The following SLA variants were observed in gnomAD, a reference collection of about 807,000 sequenced individuals.
SLA encodes src-like-adapter.
SLA carries 16 observed loss-of-function variants against 30.3 expected under a neutral mutation model. That is an observed-to-expected ratio of 0.53 (90% CI 0.36 to 0.80). The LOEUF (loss-of-function observed/expected upper bound fraction) is 0.80. SLA is among the 30% of genes least tolerant of loss of function. SLA has a pLI of 0.01. For missense variants in SLA, 310 were observed against 345.2 expected (o/e 0.90, Z 0.81); for synonymous variants, 143 against 137.8 (o/e 1.04, Z -0.26).
intron 2 of SLA, among the ~76,000 whole-genome samples, chr8:133,063,293 C>T (rs1381096729): frequency 4.0e-5 from 6 of 151,822 alleles, no homozygotes; most frequent in African/African-American, 1.5e-4. Context: ...CCCTCCCCTC[C>T]ATCCCCTCCC....
At chr8:133,039,673 T>C (rs971239453) in intron 8 of SLA, among the ~76,000 whole-genome samples, 4 of 152,206 alleles carry the variant, frequency 2.6e-5, no homozygotes, top group Non-Finnish European at 5.9e-5. Context: ...TGTTACTTTC[T>C]AGGATCCTAA....
In SLA at chr8:133,038,350, CT is replaced by C; in HGVS notation, c.*173del. 1.6e-6 allele frequency: 1 copy of C among 615,374 alleles called. No homozygotes were observed. Among genetic ancestry groups the C allele is most frequent in the Non-Finnish European group, 2.9e-6 (1 of 346,198 alleles). The allele number at this position is 615,374 out of a possible 1,614,324, so 38.1% of individuals were successfully genotyped here. A position where few individuals can be genotyped will look rare whatever the true frequency, so the allele number is the denominator to read the frequency against. On this transcript the variant is annotated 3_prime_UTR_variant, in exon 9 of 9. Transcript: ENST00000338087. ...CTGATCAGACACCAGGGAGGGGTTC[CT>C]TTGGTCATGATGTGGATAGAGAAGA...
At chr8:133,087,919 C>G (rs929298440) in intron 1 of SLA, 7 of 152,236 alleles carry the variant, frequency 4.6e-5, no homozygotes, top group African/African-American at 1.7e-4. Context: ...TCACCTGCTA[C>G]TGGCAGGATT....
chr8:133,066,037 A>G (rs1347960776), intron 2 of SLA, among the ~76,000 whole-genome samples: 1 of 152,104 alleles, frequency 6.6e-6, no homozygotes, highest in African/African-American at 2.4e-5. Context: ...ATCGCAAGGA[A>G]TGTTTTCTAG....
At chr8:133,058,956 G>C (rs1158292306) in intron 3 of SLA, 1 of 480,518 alleles carries the variant, frequency 2.1e-6, no homozygotes, top group Non-Finnish European at 4.2e-6. Context: ...TGCTGGCTTG[G>C]GGGCATTGGA....
chr8:133,049,369 G>A (rs1441789079), intron 5 of SLA: 1 of 320,652 alleles, frequency 3.1e-6, no homozygotes, highest in Non-Finnish European at 6.3e-6. Flanking sequence ...TTACTGTAAT[G>A]CCTGGCATTG....
At chr8:133,072,153 C>T (rs191613004) in intron 2 of SLA, among the ~76,000 whole-genome samples, 8 of 152,306 alleles carry the variant, frequency 5.3e-5, no homozygotes, top group Non-Finnish European at 1.0e-4. Flanking sequence ...CCAAGTCCTC[C>T]AGCCCTGGTT....
At position 133,039,045 on chromosome 8, in the gene SLA, T is replaced by G. The variant is rs993185838; in HGVS notation, c.618-308A>C. On this transcript the variant is annotated intron_variant, in intron 8 of 8. Coordinates refer to ENST00000338087, the MANE Select transcript of SLA (RefSeq NM_001045556.3). ...ACCATCCACCACCACGCCCAGCTAATTTTTTGTATTTTGAGTAGAGACAGG... is the reference window on the plus strand; with the variant it reads ...ACCATCCACCACCACGCCCAGCTAAGTTTTTGTATTTTGAGTAGAGACAGG... Among the ~76,000 whole-genome samples, 32 of 151,978 alleles carry G rather than the reference T, an allele frequency of 2.1e-4. 1 individual carries two copies. Among genetic ancestry groups the G allele is most frequent in the Non-Finnish European group, 4.6e-4 (31 of 67,960 alleles).
intron 3 of SLA, among the ~76,000 whole-genome samples, chr8:133,052,664 C>A (rs1412574094): frequency 6.6e-6 from 1 of 152,228 alleles, no homozygotes; most frequent in African/African-American, 2.4e-5. Context: ...CAAGTTCTCA[C>A]AAAGGGCAGG....
rs746881629 is a variant in SLA, at chr8:133,047,909, T to C, written c.273A>G (p.Arg91=). The change falls in exon 6 of 9, where the codon AGA becomes AGG. Residue 91 remains arginine, a synonymous_variant. Transcript: ENST00000338087. The part of the protein sequence containing the change: ...YHGWLFEGLG[R]DKAEELLQLP... ...GCTGCAGCAGCTCCTCGGCCTTGTCTCTGCCCAGGCCCTCAAACAGCCAGC... is the reference window on the plus strand; with the variant it reads ...GCTGCAGCAGCTCCTCGGCCTTGTCCCTGCCCAGGCCCTCAAACAGCCAGC... 2 of 1,610,882 alleles carry C rather than the reference T, an allele frequency of 1.2e-6. No individual in the cohort carries two copies. Among genetic ancestry groups the C allele is most frequent in the Non-Finnish European group, 1.7e-6 (2 of 1,178,066 alleles).
chr8:133,102,477 C>A (rs1269014037), intron 1 of SLA, 76 bp downstream of exon 1: 1 of 1,340,002 alleles, frequency 7.5e-7, no homozygotes, highest in Non-Finnish European at 1.0e-6. Flanking sequence ...CCTCTGAAGA[C>A]CCTCCCCCAC....
chr8:133,094,934 C>T (rs1848177534), intron 1 of SLA: 2 of 1,510,556 alleles, frequency 1.3e-6, no homozygotes, highest in Admixed American at 3.3e-5. Flanking sequence ...TCCTGGGACT[C>T]CCAAGCTTGG....
intron 2 of SLA, among the ~76,000 whole-genome samples, chr8:133,071,751 T>C (rs1844080968): frequency 6.6e-6 from 1 of 152,102 alleles, no homozygotes; most frequent in African/African-American, 2.4e-5. Flanking sequence ...CTACACTTGG[T>C]CCCCTCTCTT....
chr8:133,065,310 G>T (rs1842894282), intron 2 of SLA, among the ~76,000 whole-genome samples: 1 of 152,202 alleles, frequency 6.6e-6, no homozygotes, highest in Non-Finnish European at 1.5e-5. Context: ...CTTGTCCAAG[G>T]TTATACTGCT....
intron 2 of SLA, among the ~76,000 whole-genome samples, chr8:133,071,909 C>A (rs1844114410): frequency 6.6e-6 from 1 of 152,146 alleles, no homozygotes; most frequent in African/African-American, 2.4e-5. Context: ...CATGATCTAG[C>A]CGGTGTCTGG....
At chr8:133,101,485 C>G (rs1849242622) in intron 1 of SLA, among the ~76,000 whole-genome samples, 1 of 152,206 alleles carries the variant, frequency 6.6e-6, no homozygotes, top group Admixed American at 6.5e-5. Context: ...GGGCCTCAAT[C>G]TCAGCCATGC....
At chr8:133,073,208 A>G (rs947426066) in intron 2 of SLA, 1 of 152,234 alleles carries the variant, frequency 6.6e-6, no homozygotes, top group African/African-American at 2.4e-5. Flanking sequence ...TTACGGCACA[A>G]TCTTTCTATG....
In SLA at chr8:133,049,225, C is replaced by T. The variant is rs1183489688; in HGVS notation, c.248+677G>A. 6.8e-6 allele frequency: 3 copies of T among 441,818 alleles called. No individual in the cohort carries two copies. In the Admixed American group the frequency reaches 7.7e-5, roughly 11 times the overall value. The allele number at this position is 441,818 out of a possible 1,614,324, so 27.4% of individuals were successfully genotyped here. A position where few individuals can be genotyped will look rare whatever the true frequency, so the allele number is the denominator to read the frequency against. ...GGTGCTTATTTTCTTATCTGTTGAG[C>T]CTAGTTTTCTAAGATATCTCTTGTT... On this transcript the variant is annotated intron_variant, in intron 5 of 8. Coordinates refer to ENST00000338087, the MANE Select transcript of SLA (RefSeq NM_001045556.3).
intron 6 of SLA, chr8:133,047,489 C>G (rs1564113938): frequency 3.1e-6 from 1 of 324,896 alleles, no homozygotes; most frequent in Non-Finnish European, 5.9e-6. Context: ...GAGCACAGCC[C>G]AGGCCCATAC....
Sources: allele counts gnomAD v4.1 joint callset (sites outside exome capture counted in the v4.1 genomes callset), GRCh38; gene constraint gnomAD v4.1.1; transcripts MANE v1.5; gene names NCBI Gene and HGNC (gene_info 2026-07-23, HGNC 2026-07-21).